CHIA: variants seen among roughly 807,000 people sequenced by gnomAD.
CHIA encodes the protein acidic mammalian chitinase.
A neutral mutation model predicts 53.5 loss-of-function variants in CHIA; 47 were observed. The ratio of observed to expected loss-of-function variants is 0.88; its 90% CI spans 0.70 to 1.12. The LOEUF (loss-of-function observed/expected upper bound fraction) is 1.12, where lower values mean the gene tolerates loss of function less well. CHIA is among the 50% of genes most tolerant of loss of function. CHIA has a pLI of 0.00. For synonymous variants in CHIA, 268 were observed against 222.2 expected (o/e 1.21, Z -1.83); for missense variants, 652 against 592.2 (o/e 1.10, Z -1.05).
At chr1:111,302,472 AG>A (rs1647834875) in intron 1 of CHIA, among the ~76,000 whole-genome samples, 2 of 152,142 alleles carry the variant, frequency 1.3e-5, no homozygotes, top group African/African-American at 4.8e-5. Context: ...TTCATTTCTA[AG>A]TATTTTTAAA....
At position 111,319,361 on chromosome 1, in the gene CHIA, C is replaced by T. The variant is rs374315938; in HGVS notation, c.1070C>T (p.Ala357Val). 3 of 1,614,218 alleles carry T rather than the reference C, an allele frequency of 1.9e-6. No individual in the cohort carries two copies. The highest frequency in any genetic ancestry group is 2.5e-6 in the Non-Finnish European group (3 of 1,180,020). The change falls in exon 11 of 12, where the codon GCC (alanine) becomes GTC (valine). Residue 357 changes from alanine to valine, a missense_variant. By Grantham distance (64) the Ala-to-Val change is moderately conservative. Coordinates refer to ENST00000369740, the MANE Select transcript of CHIA (RefSeq NM_201653.4). ...QWLKHNKFGG[A>V]MVWAIDLDDF... ...CTTAAGCACAACAAATTTGGAGGCGCCATGGTCTGGGCCATTGATCTGGAT... is the reference window on the plus strand; with the variant it reads ...CTTAAGCACAACAAATTTGGAGGCGTCATGGTCTGGGCCATTGATCTGGAT...
At chr1:111,306,193 T>C (rs1648172370) in intron 1 of CHIA, among the ~76,000 whole-genome samples, 2 of 152,090 alleles carry the variant, frequency 1.3e-5, no homozygotes. Flanking sequence ...TCCAATGGGG[T>C]TTCTTATGGG....
At chr1:111,297,439 G>T (rs1386842466) in intron 1 of CHIA, among the ~76,000 whole-genome samples, 1 of 152,102 alleles carries the variant, frequency 6.6e-6, no homozygotes, top group East Asian at 1.9e-4. Flanking sequence ...TTAAATAAAA[G>T]AATTTTCAAC....
intron 5 of CHIA, chr1:111,315,012 G>T: frequency 2.2e-6 from 1 of 456,818 alleles, no homozygotes; most frequent in Non-Finnish European, 3.9e-6. Context: ...TGCTGGGTTT[G>T]CCAGGTATCC....
rs142653250 is a variant in CHIA at position 111,320,422 on chromosome 1, G to T, written c.1387G>T (p.Gly463Trp). The change falls in exon 12 of 12, where the codon GGG becomes TGG. Residue 463 changes from glycine (G) to tryptophan (W), a missense_variant. Physicochemically the swap from Gly to Trp is radical, Grantham distance 184 (BLOSUM62 -2). Coordinates refer to ENST00000369740, the MANE Select transcript of CHIA (RefSeq NM_201653.4). ...CACGTACCAGCAGAACTGCCAGGCC[G>T]GGCTTGTCTTCGACACCAGCTGTGA... The part of the protein sequence containing the change: ...GVTYQQNCQA[G>W]LVFDTSCDCC... The T allele has an allele frequency of 6.2e-7, 1 of 1,614,178 alleles. No individual in the cohort carries two copies. Among genetic ancestry groups the T allele is most frequent in the South Asian group, 1.1e-5 (1 of 91,078 alleles).
At chr1:111,305,730 C>T (rs979945631) in intron 1 of CHIA, among the ~76,000 whole-genome samples, 2 of 152,196 alleles carry the variant, frequency 1.3e-5, no homozygotes, top group African/African-American at 4.8e-5. Context: ...GTGCTTTCTA[C>T]TTTGCCATCT....
intron 1 of CHIA, among the ~76,000 whole-genome samples, chr1:111,304,912 T>G (rs1332359376): frequency 3.3e-5 from 5 of 152,104 alleles, no homozygotes; most frequent in Non-Finnish European, 7.3e-5. Context: ...TGTTACTGTT[T>G]TGGTTTCTTG....
intron 1 of CHIA, among the ~76,000 whole-genome samples, chr1:111,297,176 C>T (rs867381468): frequency 7.9e-5 from 12 of 152,120 alleles, no homozygotes; most frequent in African/African-American, 1.7e-4. Flanking sequence ...GGAGAACTTC[C>T]GCAACCTAGC....
intron 1 of CHIA, among the ~76,000 whole-genome samples, chr1:111,309,993 G>A (rs1383973030): frequency 3.3e-5 from 5 of 152,140 alleles, no homozygotes; most frequent in African/African-American, 9.7e-5. Flanking sequence ...GATTTCTTAG[G>A]CACTGATTGT....
chr1:111,317,866 C>G, intron 7 of CHIA, 61 bp downstream of exon 7: 2 of 1,611,352 alleles, frequency 1.2e-6, no homozygotes. Context: ...CTAGACTTGT[C>G]CTTGGTCTGG....
rs2101655970 is a variant in CHIA, at chr1:111,319,416, C to G, written c.1125C>G (p.Gly375=). Residue 375 remains glycine, a synonymous_variant, in exon 11 of 12, where the codon GGC becomes GGG. Transcript: ENST00000369740. ...DDFTGTFCNQ[G]KFPLISTLKK... is the part of the protein sequence containing the mutation. ...TCACTGGCACTTTCTGCAACCAGGG[C>G]AAGTTTCCCCTAATCTCCACCCTGA... 1 of 1,614,128 alleles carries G rather than the reference C, an allele frequency of 6.2e-7. No homozygotes were observed. The highest frequency in any genetic ancestry group is 1.7e-4 in the Middle Eastern group (1 of 6,050).
At position 111,318,657 on chromosome 1, in the gene CHIA, T is replaced by C; in HGVS notation, c.894T>C (p.Ser298=). Residue 298 remains serine (S), a synonymous_variant, in exon 9 of 12, where the codon TCT becomes TCC. Transcript: ENST00000369740. ...AGPAGPYAKE[S]GIWAYYEICT... The stretch of plus-strand genomic sequence containing the variant: ...CTGCTGGGCCCTATGCCAAGGAGTC[T>C]GGGATCTGGGCTTACTACGAGGTAT... 6.2e-7 allele frequency: 1 copy of C among 1,614,024 alleles called. No homozygotes were observed.
intron 1 of CHIA, among the ~76,000 whole-genome samples, chr1:111,297,423 A>G (rs946320529): frequency 3.3e-5 from 5 of 152,190 alleles, no homozygotes; most frequent in Non-Finnish European, 5.9e-5. Flanking sequence ...CTAATATTCA[A>G]CATTCTTAAA....
intron 2 of CHIA, among the ~76,000 whole-genome samples, chr1:111,310,999 A>G (rs910449536): frequency 6.6e-6 from 1 of 152,350 alleles, no homozygotes; most frequent in Non-Finnish European, 1.5e-5. Context: ...TACCATAAAC[A>G]TGTTAGAAAT....
At chr1:111,315,860 C>T (rs1416329652) in intron 6 of CHIA, 1 of 456,262 alleles carries the variant, frequency 2.2e-6, no homozygotes, top group Admixed American at 2.3e-5. Flanking sequence ...ACTAGGCTGC[C>T]CGTTATTACT....
intron 1 of CHIA, among the ~76,000 whole-genome samples, chr1:111,306,308 G>C (rs11102242): frequency 0.28 from 42,838 of 152,056 alleles, 6,351 homozygotes; most frequent in Middle Eastern, 0.35. Flanking sequence ...GATACCATTA[G>C]CTATGACAGG....
intron 1 of CHIA, among the ~76,000 whole-genome samples, chr1:111,308,305 G>A (rs1385801445): frequency 6.6e-6 from 1 of 152,170 alleles, no homozygotes; most frequent in Non-Finnish European, 1.5e-5. Context: ...TGGCTTTGCT[G>A]TTTGTTTTTG....
intron 1 of CHIA, among the ~76,000 whole-genome samples, chr1:111,301,916 T>C (rs1421445055): frequency 2.6e-5 from 4 of 151,788 alleles, no homozygotes; most frequent in South Asian, 2.1e-4. Flanking sequence ...GGGTGGGGGA[T>C]TGGGGGAGGG....
chr1:111,306,717 T>C (rs983620231), intron 1 of CHIA, among the ~76,000 whole-genome samples: 8 of 151,982 alleles, frequency 5.3e-5, no homozygotes, highest in Admixed American at 5.2e-4. Context: ...ATAATTACAA[T>C]CCAGAATATA....
Sources: gnomAD v4.1 joint callset for allele counts (sites outside exome capture counted in the v4.1 genomes callset) on GRCh38, gnomAD v4.1.1 for gene constraint, MANE v1.5 for transcripts, NCBI Gene and HGNC (gene_info 2026-07-23, HGNC 2026-07-21) for gene names.